Variants in GALNT18 observed in about 807,000 individuals in gnomAD.
GALNT18 encodes polypeptide N-acetylgalactosaminyltransferase 18.
In GALNT18, 44 loss-of-function variants were observed where a neutral mutation model predicts 69.5. The ratio of observed to expected loss-of-function variants is 0.63; its 90% CI spans 0.50 to 0.81. GALNT18 has a LOEUF of 0.81. GALNT18 is among the 40% of genes least tolerant of loss of function. The pLI is 0.00. For synonymous variants in GALNT18, 364 were observed against 318.2 expected (o/e 1.14, Z -1.53); for missense variants, 715 against 810.0 (o/e 0.88, Z 1.42).
At position 11,426,194 on chromosome 11, in the gene GALNT18, T is replaced by C. The variant is rs193010679; in HGVS notation, c.595+6427A>G. On this transcript the variant is annotated intron_variant, in intron 3 of 10. Coordinates refer to ENST00000227756, the MANE Select transcript of GALNT18 (RefSeq NM_198516.3). ...TCTGACTCTGAGGATGGGAAGTGAG[T>C]TCAGGCCAGGAAAAGAAACTTACCT... Among the ~76,000 whole-genome samples the C allele has an allele frequency of 9.7e-4, 147 of 152,058 alleles. 1 individual carries two copies. In the South Asian group the frequency reaches 0.012, roughly 13 times the overall value.
chr11:11,554,074 G>A (rs1374651519), intron 1 of GALNT18, among the ~76,000 whole-genome samples: 3 of 152,228 alleles, frequency 2.0e-5, no homozygotes, highest in African/African-American at 7.2e-5. Context: ...TCAATCTTCT[G>A]TTGAGTGATG....
In GALNT18 at chr11:11,320,313, A is replaced by C. The variant is rs1027084654; in HGVS notation, c.1512+6773T>G. On this transcript the variant is annotated intron_variant, in intron 9 of 10. Coordinates refer to ENST00000227756, the MANE Select transcript of GALNT18 (RefSeq NM_198516.3). The surrounding 1 kb of genome is among the most constrained non-coding windows in gnomAD (Gnocchi z 4.9). ...TCCCTAGGCAACAATGTAAAGTGCC[A>C]CCTCCATCTCCTGCAGTTGTACAGT... Among the ~76,000 whole-genome samples the C allele has an allele frequency of 6.6e-6, 1 of 152,150 alleles. No individual in the cohort carries two copies. The highest frequency in any genetic ancestry group is 2.4e-5 in the African/African-American group (1 of 41,436).
In GALNT18 at chr11:11,543,205, T is replaced by C. The variant is rs1857966615; in HGVS notation, c.235+78154A>G. 6.6e-6 allele frequency among the ~76,000 whole-genome samples: 1 copy of C among 152,192 alleles called. No individual in the cohort carries two copies. The highest frequency in any genetic ancestry group is 2.1e-4 in the South Asian group (1 of 4,832). ...AAATGGCTATAATGTCTTGGATGTT[T>C]CTAGAACCTCATTTTGGAAAGTTGT... On this transcript the variant is annotated intron_variant, in intron 1 of 10. Transcript: ENST00000227756. The surrounding 1 kb of genome is among the most constrained non-coding windows in gnomAD (Gnocchi z 5.1).
chr11:11,433,647 A>G (rs1855327685), intron 2 of GALNT18, among the ~76,000 whole-genome samples: 1 of 152,250 alleles, frequency 6.6e-6, no homozygotes, highest in African/African-American at 2.4e-5. Flanking sequence ...AGGAACACAC[A>G]GTTCTGAAAT....
rs1056046531 is a variant in GALNT18 at position 11,341,584 on chromosome 11, G to A, written c.1093-580C>T. Among the ~76,000 whole-genome samples, 3 of 152,282 alleles carry A rather than the reference G, an allele frequency of 2.0e-5. No individual in the cohort carries two copies. The East Asian group carries it at 5.8e-4, about 29-fold the overall frequency. On this transcript the variant is annotated intron_variant, in intron 6 of 10. Coordinates refer to ENST00000227756, the MANE Select transcript of GALNT18 (RefSeq NM_198516.3). This position sits in a 1 kb window ranked among gnomAD's most constrained non-coding sequence, Gnocchi z 6.3. Reference sequence around the variant, plus strand: ...GAAGGAAATGATATTAAACTTCTTAGCAACCTTGGTGAATAGGAGATTGAT... The same window carrying A: ...GAAGGAAATGATATTAAACTTCTTAACAACCTTGGTGAATAGGAGATTGAT...
At position 11,459,806 on chromosome 11, in the gene GALNT18, T is replaced by C. The variant is rs565681240; in HGVS notation, c.236-10870A>G. ...TAGCAAAAACCACAAACTTAGTAGC[T>C]TGACAATGCAGACATGCTATCTTAC... is the stretch of plus-strand genomic sequence containing the variant. On this transcript the variant is annotated intron_variant, in intron 1 of 10. Coordinates refer to ENST00000227756, the MANE Select transcript of GALNT18 (RefSeq NM_198516.3). The surrounding 1 kb of genome is among the most constrained non-coding windows in gnomAD (Gnocchi z 5.0). Among the ~76,000 whole-genome samples, 1 of 152,330 alleles carries C rather than the reference T, an allele frequency of 6.6e-6. No homozygotes were observed. The highest frequency in any genetic ancestry group is 1.9e-4 in the East Asian group (1 of 5,176).
At chr11:11,374,493 T>C (rs1200754543) in intron 5 of GALNT18, among the ~76,000 whole-genome samples, 1 of 152,236 alleles carries the variant, frequency 6.6e-6, no homozygotes, top group Non-Finnish European at 1.5e-5. Context: ...GGCATTTGCC[T>C]CTGCATTCCT....
intron 6 of GALNT18, chr11:11,352,836 A>T: frequency 6.2e-7 from 1 of 1,614,182 alleles, no homozygotes; most frequent in Non-Finnish European, 8.5e-7. Flanking sequence ...TGCCAGTGTG[A>T]TGATGTTGGG....
rs1403260619 is a variant in GALNT18 at position 11,402,355 on chromosome 11, T to C, written c.596-23091A>G. Among the ~76,000 whole-genome samples the C allele has an allele frequency of 6.6e-6, 1 of 152,232 alleles. No individual in the cohort carries two copies. The highest frequency in any genetic ancestry group is 1.5e-5 in the Non-Finnish European group (1 of 68,040). On this transcript the variant is annotated intron_variant, in intron 3 of 10. Coordinates refer to ENST00000227756, the MANE Select transcript of GALNT18 (RefSeq NM_198516.3). The surrounding 1 kb of genome is among the most constrained non-coding windows in gnomAD (Gnocchi z 4.0). The stretch of plus-strand genomic sequence containing the variant: ...AAAATAACTGTTGTCATTGTGGGCG[T>C]AGACATGTTTTAATCCATGATGACA...
rs375319574 is a variant in GALNT18 at position 11,392,534 on chromosome 11, G to A, written c.596-13270C>T. Reference sequence around the variant, plus strand: ...CTCAGGAGGCTGAGGCAGGAGAATCGCTTGAACCCAGGAGGCGGAGGTCGT... The same window carrying A: ...CTCAGGAGGCTGAGGCAGGAGAATCACTTGAACCCAGGAGGCGGAGGTCGT... On this transcript the variant is annotated intron_variant, in intron 3 of 10. Coordinates refer to ENST00000227756, the MANE Select transcript of GALNT18 (RefSeq NM_198516.3). Among the ~76,000 whole-genome samples the A allele has an allele frequency of 7.9e-5, 12 of 152,276 alleles. No individual in the cohort carries two copies. In the South Asian group the frequency reaches 1.9e-3, roughly 24 times the overall value.
rs1254298050 is a variant in GALNT18 at position 11,511,583 on chromosome 11, C to T, written c.236-62647G>A. 6.6e-6 allele frequency among the ~76,000 whole-genome samples: 1 copy of T among 152,212 alleles called. No homozygotes were observed. The highest frequency in any genetic ancestry group is 2.4e-5 in the African/African-American group (1 of 41,454). On this transcript the variant is annotated intron_variant, in intron 1 of 10. Transcript: ENST00000227756. This position sits in a 1 kb window ranked among gnomAD's most constrained non-coding sequence, Gnocchi z 4.9. ...TCTCCAGAAAATGCATACATGTGCA[C>T]ACTGTGTTATGGAATGAAAGCTTCT...
intron 1 of GALNT18, among the ~76,000 whole-genome samples, chr11:11,567,883 C>T (rs572985187): frequency 6.6e-6 from 1 of 152,308 alleles, no homozygotes; most frequent in Non-Finnish European, 1.5e-5. Context: ...CCACCAATCA[C>T]CCCAAAACAC....
intron 10 of GALNT18, among the ~76,000 whole-genome samples, chr11:11,282,814 A>G (rs541579809): frequency 2.1e-3 from 315 of 152,362 alleles, no homozygotes; most frequent in African/African-American, 7.2e-3. Context: ...TCAGTGACTA[A>G]ACAGAAAAAG....
chr11:11,472,756 A>G (rs1265112372), intron 1 of GALNT18, among the ~76,000 whole-genome samples: 1 of 152,208 alleles, frequency 6.6e-6, no homozygotes, highest in Non-Finnish European at 1.5e-5. Context: ...TTTCATTTTC[A>G]GAATAAACCA....
rs1264076861 is a variant in GALNT18 at position 11,564,042 on chromosome 11, C to T, written c.235+57317G>A. On this transcript the variant is annotated intron_variant, in intron 1 of 10. Coordinates refer to ENST00000227756, the MANE Select transcript of GALNT18 (RefSeq NM_198516.3). The surrounding 1 kb of genome is among the most constrained non-coding windows in gnomAD (Gnocchi z 4.3). Reference sequence around the variant, plus strand: ...TAGATGCTGATTACTAGTGAGGCACCATGCTAAATGAATGTCAGCTTGTTT... The same window carrying T: ...TAGATGCTGATTACTAGTGAGGCACTATGCTAAATGAATGTCAGCTTGTTT... Among the ~76,000 whole-genome samples, 1 of 151,910 alleles carries T rather than the reference C, an allele frequency of 6.6e-6. No individual in the cohort carries two copies. Among genetic ancestry groups the T allele is most frequent in the African/African-American group, 2.4e-5 (1 of 41,210 alleles).
intron 1 of GALNT18, among the ~76,000 whole-genome samples, chr11:11,482,547 T>C (rs944159131): frequency 1.6e-4 from 25 of 152,174 alleles, no homozygotes; most frequent in Non-Finnish European, 3.5e-4. Context: ...ACCCAGCCCT[T>C]TATGGTTACA....
chr11:11,324,932 T>TG (rs1031689899), intron 9 of GALNT18, among the ~76,000 whole-genome samples: 3 of 152,244 alleles, frequency 2.0e-5, no homozygotes, highest in African/African-American at 7.2e-5. Context: ...ACAACCACTA[T>TG]GGAAAACAGT....
Position 11,270,922 on chromosome 11 carries a change from G to T in GALNT18, c.*222C>A. The T allele has an allele frequency of 2.3e-6, 1 of 440,216 alleles. No homozygotes were observed. Among genetic ancestry groups the T allele is most frequent in the Non-Finnish European group, 4.1e-6 (1 of 246,272 alleles). 27.3% of individuals were successfully genotyped at this position (440,216 alleles called of 1,614,324 possible). Reference sequence around the variant, plus strand: ...TGTCAGTTATAAATATTTTCCATCTGTCCCCTATTTACAACTGCAAAATAG... The same window carrying T: ...TGTCAGTTATAAATATTTTCCATCTTTCCCCTATTTACAACTGCAAAATAG... On this transcript the variant is annotated 3_prime_UTR_variant, in exon 11 of 11. Transcript: ENST00000227756.
At chr11:11,585,864 C>G (rs1266972692) in intron 1 of GALNT18, among the ~76,000 whole-genome samples, 3 of 147,594 alleles carry the variant, frequency 2.0e-5, no homozygotes, top group South Asian at 2.1e-4. Context: ...ATGTTTGTGG[C>G]CCCCCACCCA....
Sources: gnomAD v4.1 joint callset for allele counts (sites outside exome capture counted in the v4.1 genomes callset) on GRCh38, gnomAD v4.1.1 for gene constraint, Gnocchi (gnomAD v3.1) non-coding constraint, MANE v1.5 for transcripts, NCBI Gene and HGNC (gene_info 2026-07-23, HGNC 2026-07-21) for gene names.